Variants in EIF4G3 observed in about 807,000 individuals in gnomAD.
EIF4G3 encodes eIF-4-gamma 3.
A neutral mutation model predicts 186.4 loss-of-function variants in EIF4G3; 34 were observed. The ratio of observed to expected loss-of-function variants is 0.18; its 90% CI spans 0.14 to 0.24. EIF4G3 has a LOEUF of 0.24. EIF4G3 is among the 10% of genes least tolerant of loss of function. The pLI, the probability that EIF4G3 is intolerant of heterozygous loss-of-function variation, is 1.00. For synonymous variants in EIF4G3, 673 were observed against 679.5 expected, an observed-to-expected ratio of 0.99 and a Z score of 0.15; for missense variants, 1,536 against 1,948.5, an observed-to-expected ratio of 0.79 and a Z score of 3.99.
At chr1:20,912,816 G>C (rs1308669269) in intron 14 of EIF4G3, among the ~76,000 whole-genome samples, 1 of 152,148 alleles carries the variant, frequency 6.6e-6, no homozygotes. Context: ...TCCCTCTAGA[G>C]TTCCTATAGG....
At chr1:21,070,758 T>C (rs1453794663) in intron 3 of EIF4G3, among the ~76,000 whole-genome samples, 2 of 152,236 alleles carry the variant, frequency 1.3e-5, no homozygotes, top group African/African-American at 4.8e-5. Context: ...AGAGGGCAGT[T>C]TTAGAATATC....
chr1:20,986,744 CAAAAAAAAAA>C lies in EIF4G3; in HGVS notation c.178-4346_178-4337del, dbSNP rs61255473. Among the ~76,000 whole-genome samples, 354 of 66,326 alleles carry C rather than the reference CAAAAAAAAAA, an allele frequency of 5.3e-3. 1 individual carries two copies. Among genetic ancestry groups the C allele is most frequent in the Non-Finnish European group, 7.2e-3 (287 of 40,128 alleles). The allele number at this position is 66,326 out of a possible 152,430, so 43.5% of individuals were successfully genotyped here. On this transcript the variant is annotated intron_variant, in intron 7 of 36. Transcript: ENST00000602326. ...AGCCTGGGCGACAGAGCTCTGTCTC[CAAAAAAAAAA>C]AAAAAAAAAAAAAAAAAGAAAACTT...
chr1:20,998,058 C>T (rs1001086071), intron 6 of EIF4G3, among the ~76,000 whole-genome samples: 7 of 151,732 alleles, frequency 4.6e-5, no homozygotes, highest in African/African-American at 7.3e-5. Context: ...CATTACAAGA[C>T]CTAGCCAGGA....
chr1:20,969,516 A>G lies in EIF4G3; in HGVS notation c.672T>C (p.Thr224=), dbSNP rs900051887. 9 of 1,613,916 alleles carry G rather than the reference A, an allele frequency of 5.6e-6. No individual in the cohort carries two copies. The highest frequency in any genetic ancestry group is 1.7e-4 in the Middle Eastern group (1 of 6,056). Reference sequence around the variant, plus strand: ...TGGACGTGGGTCTTCCTATGGGTGGAGTAGGATTTCTGCTGCCACCTCCAG... The same window carrying G: ...TGGACGTGGGTCTTCCTATGGGTGGGGTAGGATTTCTGCTGCCACCTCCAG... The part of the protein sequence containing the change: ...IMSGGGSRNP[T]PPIGRPTSTP... Residue 224 remains threonine, a synonymous_variant, in exon 12 of 37, where the codon ACT becomes ACC. Transcript: ENST00000602326.
chr1:21,080,301 G>C (rs1389394027), intron 3 of EIF4G3, among the ~76,000 whole-genome samples: 2 of 147,614 alleles, frequency 1.4e-5, no homozygotes, highest in African/African-American at 2.5e-5. Flanking sequence ...GGGCAACAGA[G>C]AGAGACACTG....
chr1:20,892,680 T>C (rs890151888), intron 18 of EIF4G3: 6 of 1,536,110 alleles, frequency 3.9e-6, no homozygotes, highest in Non-Finnish European at 5.2e-6. Context: ...AGTTGGGGCT[T>C]TGCTCTGTTC....
intron 2 of EIF4G3, among the ~76,000 whole-genome samples, chr1:21,101,878 T>C (rs942721382): frequency 1.3e-5 from 2 of 151,950 alleles, no homozygotes; most frequent in Admixed American, 6.6e-5. Context: ...ACCTTCAGAG[T>C]ATAACTGGTA....
At chr1:20,847,707 A>T (rs1290193452) in intron 29 of EIF4G3, 1 of 440,130 alleles carries the variant, frequency 2.3e-6, no homozygotes, top group Non-Finnish European at 4.7e-6. Flanking sequence ...CCAGGAGGCT[A>T]ACTGATGAAT....
intron 14 of EIF4G3, among the ~76,000 whole-genome samples, chr1:20,932,965 G>A (rs182992268): frequency 8.5e-5 from 13 of 152,190 alleles, no homozygotes; most frequent in East Asian, 7.7e-4. Context: ...AGGTATGCCC[G>A]TATACTCAGA....
At chr1:20,808,927 G>A (rs574309848) in intron 36 of EIF4G3, among the ~76,000 whole-genome samples, 43 of 151,964 alleles carry the variant, frequency 2.8e-4, no homozygotes, top group Non-Finnish European at 5.6e-4. Flanking sequence ...GGGAGGCAGT[G>A]GAATAAACAA....
intron 34 of EIF4G3, among the ~76,000 whole-genome samples, chr1:20,814,396 C>T (rs2059927451): frequency 6.6e-6 from 1 of 152,200 alleles, no homozygotes; most frequent in Non-Finnish European, 1.5e-5. Context: ...GTCCTTCCCA[C>T]TGCCTATCCT....
At chr1:20,961,793 A>G (rs183808961) in intron 12 of EIF4G3, among the ~76,000 whole-genome samples, 7 of 152,350 alleles carry the variant, frequency 4.6e-5, no homozygotes, top group Admixed American at 4.6e-4. Context: ...CATATTATTG[A>G]AAAGAACCAT....
chr1:20,885,980 T>C lies in EIF4G3; in HGVS notation c.2424+221A>G, dbSNP rs528593128. On this transcript the variant is annotated intron_variant, in intron 19 of 36. Coordinates refer to ENST00000602326, the MANE Select transcript of EIF4G3 (RefSeq NM_001391906.1). ...ATAAGTCTATGACACATGAACCCTC[T>C]AGACCTGGTAACTATTCTGAAAAAA... 1.1e-4 allele frequency among the ~76,000 whole-genome samples: 17 copies of C among 152,332 alleles called. No individual in the cohort carries two copies. In the East Asian group the frequency reaches 2.9e-3, roughly 26 times the overall value.
intron 6 of EIF4G3, chr1:20,999,733 GT>G: frequency 2.2e-6 from 1 of 454,692 alleles, no homozygotes; most frequent in South Asian, 1.6e-5. Flanking sequence ...TGGCTATTGA[GT>G]TTTTCATTTG....
intron 2 of EIF4G3, among the ~76,000 whole-genome samples, chr1:21,116,838 C>CA (rs577723036): frequency 0.012 from 825 of 67,236 alleles, 4 homozygotes; most frequent in South Asian, 0.03. Flanking sequence ...GACTCCTTCT[C>CA]AAAAAAAAAA....
chr1:21,149,413 C>G (rs1297457954), intron 2 of EIF4G3, among the ~76,000 whole-genome samples: 8 of 151,616 alleles, frequency 5.3e-5, no homozygotes. Context: ...TTCTGTTTCT[C>G]AAGCAAAAAA....
intron 3 of EIF4G3, among the ~76,000 whole-genome samples, chr1:21,087,926 C>A (rs1179528245): frequency 6.6e-6 from 1 of 151,704 alleles, no homozygotes; most frequent in African/African-American, 2.4e-5. Context: ...AGCCACCGTG[C>A]CCAGCCAAAA....
intron 32 of EIF4G3, among the ~76,000 whole-genome samples, chr1:20,825,514 GA>G (rs1315756880): frequency 6.6e-6 from 1 of 152,136 alleles, no homozygotes; most frequent in Non-Finnish European, 1.5e-5. Flanking sequence ...TTCAAACTAA[GA>G]TGTCTGAATG....
At chr1:20,892,620 C>T (rs1432557858) in intron 18 of EIF4G3, 1 of 1,530,314 alleles carries the variant, frequency 6.5e-7, no homozygotes, top group Non-Finnish European at 8.8e-7. Flanking sequence ...TCAGCGCACC[C>T]CTAGAGGCAG....
Sources: allele counts gnomAD v4.1 joint callset (sites outside exome capture counted in the v4.1 genomes callset), GRCh38; gene constraint gnomAD v4.1.1; transcripts MANE v1.5; gene names NCBI Gene and HGNC (gene_info 2026-07-23, HGNC 2026-07-21).